The following RUVBL1 variants were observed in gnomAD, a reference collection of about 807,000 sequenced individuals.
RUVBL1 encodes ruvB-like 1.
In RUVBL1, 4 loss-of-function variants were observed where a neutral mutation model predicts 52.4. That is an observed-to-expected ratio of 0.08 (90% CI 0.04 to 0.17). The LOEUF is 0.17. Ranked by LOEUF, RUVBL1 falls within the 10% of genes least tolerant of loss-of-function variation. The pLI, the probability that RUVBL1 is intolerant of heterozygous loss-of-function variation, is 1.00. For synonymous variants in RUVBL1, 217 were observed against 214.4 expected, an observed-to-expected ratio of 1.01 and a Z score of -0.10; for missense variants, 298 against 572.8, an observed-to-expected ratio of 0.52 and a Z score of 4.90.
At chr3:128,069,666 C>G (rs771626900) in intron 9 of RUVBL1, 1 of 1,613,618 alleles carries the variant, frequency 6.2e-7, no homozygotes. Flanking sequence ...CTTCTGAGCC[C>G]GTCTCCCGGA....
exon 1 of RUVBL1, chr3:128,153,676 T>C: frequency 6.3e-7 from 1 of 1,595,372 alleles, no homozygotes. Flanking sequence ...CTCGTGCTTC[T>C]CGGTGCCGCT....
intron 1 of RUVBL1, among the ~76,000 whole-genome samples, chr3:128,121,086 T>C (rs72986281): frequency 5.3e-5 from 8 of 152,118 alleles, no homozygotes; most frequent in African/African-American, 1.9e-4. Flanking sequence ...CTAGAAGATA[T>C]TCTTCAGATG....
chr3:128,149,990 A>G (rs1213606969), intron 1 of RUVBL1, among the ~76,000 whole-genome samples: 1 of 152,156 alleles, frequency 6.6e-6, no homozygotes, highest in Admixed American at 6.5e-5. Flanking sequence ...CACGTGCCAC[A>G]TGGCTTAGGT....
intron 1 of RUVBL1, among the ~76,000 whole-genome samples, chr3:128,135,661 G>A (rs1056877996): frequency 6.6e-6 from 1 of 152,208 alleles, no homozygotes; most frequent in South Asian, 2.1e-4. Flanking sequence ...AGGGCTGAGG[G>A]ATTTAATCAA....
intron 9 of RUVBL1, among the ~76,000 whole-genome samples, chr3:128,085,692 G>A (rs1159235847): frequency 1.3e-5 from 2 of 152,196 alleles, no homozygotes; most frequent in African/African-American, 2.4e-5. Flanking sequence ...TCCTGCATGC[G>A]GTAAGAGATG....
upstream of RUVBL1, chr3:128,123,959 TC>T (rs1159980934): frequency 1.1e-5 from 13 of 1,216,004 alleles, no homozygotes; most frequent in Non-Finnish European, 1.2e-5. Context: ...CGGGTTGGCT[TC>T]CCCCGTAGCC....
intron 1 of RUVBL1, among the ~76,000 whole-genome samples, chr3:128,129,744 C>T (rs1025792308): frequency 1.3e-5 from 2 of 152,168 alleles, no homozygotes; most frequent in Non-Finnish European, 2.9e-5. Flanking sequence ...ATTGAGCCAT[C>T]ATGCTAGGTA....
At chr3:128,068,482 G>A (rs974959625) in intron 9 of RUVBL1, among the ~76,000 whole-genome samples, 6 of 152,220 alleles carry the variant, frequency 3.9e-5, no homozygotes, top group African/African-American at 1.4e-4. Context: ...GGCCTGTGGT[G>A]GCATTAAGGC....
At chr3:128,151,769 A>G (rs555603417) in intron 1 of RUVBL1, among the ~76,000 whole-genome samples, 2 of 152,286 alleles carry the variant, frequency 1.3e-5, no homozygotes, top group African/African-American at 4.8e-5. Flanking sequence ...GAGGGACACA[A>G]TTCAGTCTAT....
Position 128,067,064 on chromosome 3 carries a change from C to A in RUVBL1, c.940-1844G>T. ...ACATCCCCATCATCCTGCAGTCTGCCCTGGTGTCCAACCTTTATGTCATCT... is the reference window on the plus strand; with the variant it reads ...ACATCCCCATCATCCTGCAGTCTGCACTGGTGTCCAACCTTTATGTCATCT... On this transcript the variant is annotated intron_variant, in intron 9 of 9. Transcript: ENST00000464873. This position sits in a 1 kb window ranked among gnomAD's most constrained non-coding sequence, Gnocchi z 4.1. 4.3e-6 allele frequency: 7 copies of A among 1,614,136 alleles called. No individual in the cohort carries two copies. Among genetic ancestry groups the A allele is most frequent in the Non-Finnish European group, 5.9e-6 (7 of 1,180,018 alleles).
chr3:128,132,287 T>C (rs948985246), intron 1 of RUVBL1, among the ~76,000 whole-genome samples: 1 of 152,204 alleles, frequency 6.6e-6, no homozygotes, highest in African/African-American at 2.4e-5. Context: ...TCTGGGGTTC[T>C]ACAGAAACTT....
At chr3:128,078,173 TCGA>T (rs1211576468), downstream of RUVBL1, among the ~76,000 whole-genome samples, 1 of 152,144 alleles carries the variant, frequency 6.6e-6, no homozygotes, top group African/African-American at 2.4e-5. Context: ...GGGATAGAGG[TCGA>T]CTGGGAGTGC....
chr3:128,112,784 T>G (rs747261835), intron 3 of RUVBL1, 104 bp downstream of exon 3: 4 of 1,287,462 alleles, frequency 3.1e-6, no homozygotes, highest in Non-Finnish European at 4.3e-6. Context: ...AAAACAGCAG[T>G]GCCACGAATA....
At chr3:128,129,393 T>C (rs1943842509) in intron 1 of RUVBL1, among the ~76,000 whole-genome samples, 1 of 152,128 alleles carries the variant, frequency 6.6e-6, no homozygotes, top group South Asian at 2.1e-4. Flanking sequence ...CCGAAACTTA[T>C]GGGATGCAGC....
intron 8 of RUVBL1, 146 bp downstream of exon 8, chr3:128,097,154 C>A: frequency 1.3e-6 from 1 of 766,082 alleles, no homozygotes; most frequent in Non-Finnish European, 2.1e-6. Flanking sequence ...AGGCCAGAGG[C>A]AAGCCACTTG....
chr3:128,100,262 T>C (rs760551166), intron 6 of RUVBL1, among the ~76,000 whole-genome samples: 1 of 152,122 alleles, frequency 6.6e-6, no homozygotes. Context: ...AAAGGGCTCA[T>C]AGAACACTCC....
chr3:128,116,700 C>T (rs764638490), intron 2 of RUVBL1, among the ~76,000 whole-genome samples: 8 of 152,140 alleles, frequency 5.3e-5, no homozygotes, highest in Non-Finnish European at 7.4e-5. Flanking sequence ...AATTTAACTT[C>T]GTTGTCTTTG....
intron 1 of RUVBL1, among the ~76,000 whole-genome samples, chr3:128,138,668 A>C (rs1305816269): frequency 6.6e-6 from 1 of 152,134 alleles, no homozygotes; most frequent in African/African-American, 2.4e-5. Flanking sequence ...TAAAAATACC[A>C]ATCACATTTT....
At chr3:128,143,301 T>C (rs1009734738) in intron 1 of RUVBL1, among the ~76,000 whole-genome samples, 1 of 151,874 alleles carries the variant, frequency 6.6e-6, no homozygotes, top group African/African-American at 2.4e-5. Flanking sequence ...GCCTCTCGAG[T>C]AGCTGGGACT....
Sources: allele counts gnomAD v4.1 joint callset (sites outside exome capture counted in the v4.1 genomes callset), GRCh38; gene constraint gnomAD v4.1.1; non-coding constraint Gnocchi (gnomAD v3.1); transcripts MANE v1.5; gene names NCBI Gene and HGNC (gene_info 2026-07-23, HGNC 2026-07-21).